PCDHGB7: variants seen among roughly 807,000 people sequenced by gnomAD.
PCDHGB7 encodes protocadherin gamma-B7.
A neutral mutation model predicts 61.4 loss-of-function variants in PCDHGB7; 37 were observed. The ratio of observed to expected loss-of-function variants is 0.60; its 90% CI spans 0.46 to 0.79. PCDHGB7 has a LOEUF of 0.79. Among genes scored for constraint, PCDHGB7 ranks in the 30% least tolerant of loss-of-function variants. The probability of loss-of-function intolerance (pLI) is 0.00; values close to 1 mark genes in which losing one functional copy is unlikely to be tolerated. For synonymous variants in PCDHGB7, 464 were observed against 503.5 expected, an observed-to-expected ratio of 0.92 and a Z score of 1.05; for missense variants, 1,166 against 1,202.5, an observed-to-expected ratio of 0.97 and a Z score of 0.45.
intron 1 of PCDHGB7, chr5:141,422,520 G>A (rs759529752): frequency 1.9e-6 from 3 of 1,613,946 alleles, no homozygotes; most frequent in South Asian, 2.2e-5. Flanking sequence ...AGGGAAGCCC[G>A]CCTTTGTCTG....
At chr5:141,502,309 T>G (rs1395136136) in intron 2 of PCDHGB7, among the ~76,000 whole-genome samples, 2 of 152,196 alleles carry the variant, frequency 1.3e-5, no homozygotes, top group Admixed American at 6.5e-5. Flanking sequence ...TTTCCTCTCC[T>G]TTAATCTGGA....
rs751665486 is a variant in PCDHGB7 at position 141,418,295 on chromosome 5, G to A, written c.436G>A (p.Val146Ile). The change falls in exon 1 of 4, where the codon GTC becomes ATC. Residue 146 changes from valine (V) to isoleucine (I), a missense_variant. Transcript: ENST00000398594. ...DEINLEISES[V>I]SLGMGTILES... ...AATAAACTTAGAAATCAGTGAATCC[G>A]TCAGCCTGGGGATGGGAACAATTCT... 1 of 1,613,996 alleles carries A rather than the reference G, an allele frequency of 6.2e-7. No homozygotes were observed. The highest frequency in any genetic ancestry group is 1.7e-5 in the Admixed American group (1 of 60,030).
chr5:141,481,362 A>G (rs2099536613), intron 1 of PCDHGB7, among the ~76,000 whole-genome samples: 1 of 152,252 alleles, frequency 6.6e-6, no homozygotes, highest in African/African-American at 2.4e-5. Context: ...CAGCTGTTCA[A>G]TAGATATTGG....
At position 141,485,009 on chromosome 5, in the gene PCDHGB7, C is replaced by T. The variant is rs531346426; in HGVS notation, c.2416-9798C>T. The T allele has an allele frequency of 6.4e-5, 40 of 628,334 alleles. No homozygotes were observed. Among genetic ancestry groups the T allele is most frequent in the Admixed American group, 5.3e-4 (18 of 33,986 alleles). The allele number at this position is 628,334 out of a possible 1,614,324, so 38.9% of individuals were successfully genotyped here. On this transcript the variant is annotated intron_variant, in intron 1 of 3. Transcript: ENST00000398594. The surrounding 1 kb of genome is among the most constrained non-coding windows in gnomAD (Gnocchi z 5.7). Reference sequence around the variant, plus strand: ...GGTGGTGAAAGGCAGACAAATCTACCCCGCCACCAGCAAAAACGGCGCGTA... The same window carrying T: ...GGTGGTGAAAGGCAGACAAATCTACTCCGCCACCAGCAAAAACGGCGCGTA...
chr5:141,443,309 C>T (rs2098379780), intron 1 of PCDHGB7, among the ~76,000 whole-genome samples: 1 of 131,436 alleles, frequency 7.6e-6, no homozygotes, highest in African/African-American at 3.4e-5. Flanking sequence ...GGCAAAAACC[C>T]ATCTCTACAA....
At chr5:141,427,896 C>T in intron 1 of PCDHGB7, 2 of 1,570,508 alleles carry the variant, frequency 1.3e-6, no homozygotes, top group Non-Finnish European at 1.7e-6. Context: ...CCAGGGCTCG[C>T]CCGCGCTCAG....
In PCDHGB7 at chr5:141,493,811, A is replaced by T. The variant is rs956872917; in HGVS notation, c.2416-996A>T. Reference sequence around the variant, plus strand: ...CTCCCTGGAGTAATCTGAGATACTCACACTCTCTGCTTCTGGGAGCAAGTA... The same window carrying T: ...CTCCCTGGAGTAATCTGAGATACTCTCACTCTCTGCTTCTGGGAGCAAGTA... On this transcript the variant is annotated intron_variant, in intron 1 of 3. Transcript: ENST00000398594. The surrounding 1 kb of genome is among the most constrained non-coding windows in gnomAD (Gnocchi z 4.3). Among the ~76,000 whole-genome samples the T allele has an allele frequency of 1.3e-5, 2 of 152,154 alleles. No homozygotes were observed. The highest frequency in any genetic ancestry group is 2.9e-5 in the Non-Finnish European group (2 of 68,036).
intron 1 of PCDHGB7, among the ~76,000 whole-genome samples, chr5:141,474,463 T>C (rs1447737626): frequency 6.6e-6 from 1 of 152,228 alleles, no homozygotes; most frequent in Admixed American, 6.5e-5. Flanking sequence ...GCTATACTCT[T>C]TATTCTAAAT....
rs761831761 is a variant in PCDHGB7 at position 141,485,471 on chromosome 5, G to A, written c.2416-9336G>A. The A allele has an allele frequency of 4.3e-6, 7 of 1,614,144 alleles. No homozygotes were observed. The Admixed American group carries it at 5.0e-5, about 12-fold the overall frequency. On this transcript the variant is annotated intron_variant, in intron 1 of 3. Transcript: ENST00000398594. This position sits in a 1 kb window ranked among gnomAD's most constrained non-coding sequence, Gnocchi z 5.7. ...CCGAGAGGCACTGTGTGGGCTCAGT[G>A]CCAGCTGCATCGTGCCCCTGGAGTT...
chr5:141,486,909 C>T lies in PCDHGB7; in HGVS notation c.2416-7898C>T, dbSNP rs759702188. ...CGGCCTGGTTCCTTATGTCCCCAAGCACTGCCTCCATCAGTTGGTGCTGGC... is the reference window on the plus strand; with the variant it reads ...CGGCCTGGTTCCTTATGTCCCCAAGTACTGCCTCCATCAGTTGGTGCTGGC... On this transcript the variant is annotated intron_variant, in intron 1 of 3. Transcript: ENST00000398594. This position sits in a 1 kb window ranked among gnomAD's most constrained non-coding sequence, Gnocchi z 5.0. 2 of 1,614,262 alleles carry T rather than the reference C, an allele frequency of 1.2e-6. No homozygotes were observed. Among genetic ancestry groups the T allele is most frequent in the Non-Finnish European group, 1.7e-6 (2 of 1,180,054 alleles).
chr5:141,460,037 C>A (rs1203902962), intron 1 of PCDHGB7, among the ~76,000 whole-genome samples: 1 of 152,120 alleles, frequency 6.6e-6, no homozygotes, highest in African/African-American at 2.4e-5. Context: ...GAGACTGCAC[C>A]ACTGCACTCC....
chr5:141,485,745 T>C lies in PCDHGB7; in HGVS notation c.2416-9062T>C. 3 of 1,614,146 alleles carry C rather than the reference T, an allele frequency of 1.9e-6. No individual in the cohort carries two copies. Among genetic ancestry groups the C allele is most frequent in the Non-Finnish European group, 2.5e-6 (3 of 1,179,986 alleles). ...AAGAAGCGCAGCGACGGCAGCCTGGTCCCAGAGCTGCTCCTGGAGAAGCCT... is the reference window on the plus strand; with the variant it reads ...AAGAAGCGCAGCGACGGCAGCCTGGCCCCAGAGCTGCTCCTGGAGAAGCCT... On this transcript the variant is annotated intron_variant, in intron 1 of 3. Transcript: ENST00000398594. This position sits in a 1 kb window ranked among gnomAD's most constrained non-coding sequence, Gnocchi z 5.7.
rs969397099 is a variant in PCDHGB7, at chr5:141,477,807, C to T, written c.2416-17000C>T. 6.2e-6 allele frequency: 10 copies of T among 1,613,932 alleles called. No homozygotes were observed. Among genetic ancestry groups the T allele is most frequent in the African/African-American group, 1.3e-5 (1 of 74,922 alleles). ...TTTGTCACTGATCGCAATGACAATG[C>T]CCCCCAGGTCCTATATCCTCGGCCA... is the stretch of plus-strand genomic sequence containing the variant. On this transcript the variant is annotated intron_variant, in intron 1 of 3. Transcript: ENST00000398594. The surrounding 1 kb of genome is among the most constrained non-coding windows in gnomAD (Gnocchi z 4.9).
At position 141,490,979 on chromosome 5, in the gene PCDHGB7, C is replaced by T. The variant is rs1217345302; in HGVS notation, c.2416-3828C>T. 6.2e-7 allele frequency: 1 copy of T among 1,614,086 alleles called. No individual in the cohort carries two copies. The highest frequency in any genetic ancestry group is 8.5e-7 in the Non-Finnish European group (1 of 1,180,014). ...GAACACTCAGCCCCCCAGCGTCTCC[C>T]TCGCTCTGCTCCTCCTGGCTCCTTG... On this transcript the variant is annotated intron_variant, in intron 1 of 3. Transcript: ENST00000398594. This position sits in a 1 kb window ranked among gnomAD's most constrained non-coding sequence, Gnocchi z 5.4.
At chr5:141,472,980 CAAAA>C (rs60579131) in intron 1 of PCDHGB7, among the ~76,000 whole-genome samples, 3 of 86,106 alleles carry the variant, frequency 3.5e-5, no homozygotes, top group Admixed American at 1.2e-4. Context: ...GAGTGAAACT[CAAAA>C]AAAAAAAAAA....
At chr5:141,459,287 G>A (rs1362981410) in intron 1 of PCDHGB7, among the ~76,000 whole-genome samples, 1 of 152,136 alleles carries the variant, frequency 6.6e-6, no homozygotes, top group African/African-American at 2.4e-5. Context: ...TCATCTAAAT[G>A]GAATCCTATA....
At chr5:141,488,331 T>C (rs535498873) in intron 1 of PCDHGB7, among the ~76,000 whole-genome samples, 22 of 152,218 alleles carry the variant, frequency 1.4e-4, no homozygotes, top group Non-Finnish European at 3.1e-4. Context: ...TACAGTTGGC[T>C]GATTCATAGA....
Position 141,485,856 on chromosome 5 carries a change from T to C in PCDHGB7, c.2416-8951T>C. ...CCGCCGAGATCTGGCACCGCAGAGC[T>C]CCGGGTATCCGTGCTGGACGTAAAC... is the stretch of plus-strand genomic sequence containing the variant. On this transcript the variant is annotated intron_variant, in intron 1 of 3. Coordinates refer to ENST00000398594, the MANE Select transcript of PCDHGB7 (RefSeq NM_018927.4). The surrounding 1 kb of genome is among the most constrained non-coding windows in gnomAD (Gnocchi z 5.7). 1 of 1,614,108 alleles carries C rather than the reference T, an allele frequency of 6.2e-7. No individual in the cohort carries two copies. The highest frequency in any genetic ancestry group is 8.5e-7 in the Non-Finnish European group (1 of 1,180,014).
chr5:141,432,069 A>T lies in PCDHGB7; in HGVS notation c.2415+11795A>T. ...ACCCCGCCCCTATCCACGGAAACTC[A>T]TATCTCGCTGAACGTGGCAGACACC... is the stretch of plus-strand genomic sequence containing the variant. On this transcript the variant is annotated intron_variant, in intron 1 of 3. Coordinates refer to ENST00000398594, the MANE Select transcript of PCDHGB7 (RefSeq NM_018927.4). This position sits in a 1 kb window ranked among gnomAD's most constrained non-coding sequence, Gnocchi z 6.0. The T allele has an allele frequency of 6.2e-7, 1 of 1,614,168 alleles. No homozygotes were observed. The highest frequency in any genetic ancestry group is 8.5e-7 in the Non-Finnish European group (1 of 1,180,038).
Sources: gnomAD v4.1 joint callset for allele counts (sites outside exome capture counted in the v4.1 genomes callset) on GRCh38, gnomAD v4.1.1 for gene constraint, Gnocchi (gnomAD v3.1) non-coding constraint, MANE v1.5 for transcripts, NCBI Gene and HGNC (gene_info 2026-07-23, HGNC 2026-07-21) for gene names.